Variants in TAFA1 observed in about 807,000 individuals in gnomAD.
The protein encoded by TAFA1 is TAFA chemokine like family member 1.
TAFA1 carries 4 observed loss-of-function variants against 18.5 expected under a neutral mutation model. That is an observed-to-expected ratio of 0.22 (90% CI 0.11 to 0.49). The LOEUF (loss-of-function observed/expected upper bound fraction) is 0.49, where lower values mean the gene tolerates loss of function less well. TAFA1 is among the 20% of genes least tolerant of loss of function. The pLI is 0.98. For synonymous variants in TAFA1, 56 were observed against 55.2 expected, an observed-to-expected ratio of 1.01 and a Z score of -0.06; for missense variants, 147 against 169.0, an observed-to-expected ratio of 0.87 and a Z score of 0.72.
chr3:68,543,200 T>C (rs372178535), intron 4 of TAFA1, among the ~76,000 whole-genome samples: 2 of 152,180 alleles, frequency 1.3e-5, no homozygotes, highest in Non-Finnish European at 2.9e-5. Flanking sequence ...CTAGGTTTAC[T>C]TGCCTTTCAA....
chr3:68,524,253 G>A (rs549403257), intron 3 of TAFA1, among the ~76,000 whole-genome samples: 1 of 152,040 alleles, frequency 6.6e-6, no homozygotes, highest in African/African-American at 2.4e-5. Context: ...GCATGGTCAC[G>A]ACAGGTTTCT....
chr3:68,155,514 T>C (rs2065857930), intron 2 of TAFA1, among the ~76,000 whole-genome samples: 1 of 152,172 alleles, frequency 6.6e-6, no homozygotes, highest in Non-Finnish European at 1.5e-5. Flanking sequence ...TCTCAAACCC[T>C]AATCCCTGTG....
intron 2 of TAFA1, among the ~76,000 whole-genome samples, chr3:68,318,613 T>G (rs1416752724): frequency 6.6e-6 from 1 of 152,244 alleles, no homozygotes; most frequent in Non-Finnish European, 1.5e-5. Flanking sequence ...TTTCTTGTTA[T>G]GTTTTTCTTC....
intron 2 of TAFA1, among the ~76,000 whole-genome samples, chr3:68,231,846 C>T (rs2066876177): frequency 6.6e-6 from 1 of 152,140 alleles, no homozygotes; most frequent in Non-Finnish European, 1.5e-5. Flanking sequence ...CAATTACTGT[C>T]TCTTCTTAAC....
chr3:68,090,775 T>C (rs1037502696), intron 2 of TAFA1, among the ~76,000 whole-genome samples: 5 of 152,196 alleles, frequency 3.3e-5, no homozygotes, highest in Non-Finnish European at 7.4e-5. Flanking sequence ...TCTGCCCAGC[T>C]GAGAGAAGTG....
chr3:68,348,176 C>T (rs2069198682), intron 2 of TAFA1, among the ~76,000 whole-genome samples: 1 of 152,126 alleles, frequency 6.6e-6, no homozygotes, highest in African/African-American at 2.4e-5. Flanking sequence ...GAGCAAGTTA[C>T]TTAACTGCTC....
chr3:68,214,581 G>A (rs1423302135), intron 2 of TAFA1, among the ~76,000 whole-genome samples: 1 of 151,968 alleles, frequency 6.6e-6, no homozygotes, highest in Non-Finnish European at 1.5e-5. Flanking sequence ...CTTTCTCACT[G>A]TGTGACTTTG....
chr3:68,500,387 T>C (rs977336501), intron 3 of TAFA1, among the ~76,000 whole-genome samples: 3 of 152,154 alleles, frequency 2.0e-5, no homozygotes, highest in African/African-American at 4.8e-5. Flanking sequence ...AATTCTTTGT[T>C]TTTAGACTTC....
intron 2 of TAFA1, among the ~76,000 whole-genome samples, chr3:68,125,349 G>A (rs746945388): frequency 1.7e-4 from 26 of 152,216 alleles, no homozygotes; most frequent in Non-Finnish European, 8.8e-5. Context: ...AGCTACCTGT[G>A]CTGCTATTGT....
intron 2 of TAFA1, among the ~76,000 whole-genome samples, chr3:68,019,210 T>C (rs188959549): frequency 6.6e-6 from 1 of 152,342 alleles, no homozygotes; most frequent in Admixed American, 6.5e-5. Context: ...TGTAATAGTT[T>C]TGAGTACTGC....
chr3:68,494,057 C>T (rs1028429985), intron 3 of TAFA1, among the ~76,000 whole-genome samples: 1 of 152,120 alleles, frequency 6.6e-6, no homozygotes, highest in Non-Finnish European at 1.5e-5. Flanking sequence ...ATCAATTTCC[C>T]AGGGTTGTTT....
intron 2 of TAFA1, among the ~76,000 whole-genome samples, chr3:68,198,669 C>T (rs1262225209): frequency 6.6e-6 from 1 of 151,304 alleles, no homozygotes; most frequent in Non-Finnish European, 1.5e-5. Flanking sequence ...AATTTCTATG[C>T]CTTCTTTGGT....
chr3:68,417,455 A>G (rs768749895), intron 3 of TAFA1, 35 bp downstream of exon 3: 12 of 1,606,070 alleles, frequency 7.5e-6, no homozygotes, highest in South Asian at 5.5e-5. Context: ...AAAAGCTCAC[A>G]TGGCATTCAC....
chr3:68,521,856 G>T (rs9758660), intron 3 of TAFA1, among the ~76,000 whole-genome samples: 121 of 70,806 alleles, frequency 1.7e-3, no homozygotes, highest in East Asian at 3.8e-3. Context: ...GTTTTTTTCT[G>T]TTTTTTTTTT....
intron 2 of TAFA1, among the ~76,000 whole-genome samples, chr3:68,413,194 C>A (rs903050053): frequency 6.6e-6 from 1 of 152,160 alleles, no homozygotes. Context: ...AGTGTCTGTT[C>A]ATATCCTTTG....
intron 2 of TAFA1, among the ~76,000 whole-genome samples, chr3:68,115,117 T>C (rs1021333454): frequency 6.6e-6 from 1 of 152,076 alleles, no homozygotes; most frequent in East Asian, 1.9e-4. Flanking sequence ...GAGATTATAA[T>C]TGGGAAGGGA....
intron 2 of TAFA1, among the ~76,000 whole-genome samples, chr3:68,299,045 G>C (rs2068259434): frequency 2.6e-5 from 4 of 152,152 alleles, no homozygotes; most frequent in Admixed American, 2.6e-4. Context: ...TTTGTTGAAT[G>C]GTTTTGACCA....
intron 2 of TAFA1, among the ~76,000 whole-genome samples, chr3:68,030,577 C>G (rs76105678): frequency 1.3e-5 from 2 of 152,130 alleles, no homozygotes; most frequent in African/African-American, 4.8e-5. Context: ...ATCCATGTCC[C>G]TGCAAAGGAC....
intron 2 of TAFA1, among the ~76,000 whole-genome samples, chr3:68,204,429 C>T (rs185269885): frequency 2.3e-4 from 35 of 151,194 alleles, no homozygotes; most frequent in Non-Finnish European, 4.9e-4. Context: ...CTTCCAACCC[C>T]TTTGTCCACA....
Sources: allele counts gnomAD v4.1 joint callset (sites outside exome capture counted in the v4.1 genomes callset), GRCh38; gene constraint gnomAD v4.1.1; transcripts MANE v1.5; gene names NCBI Gene and HGNC (gene_info 2026-07-23, HGNC 2026-07-21).